TMEM117: variants seen among roughly 807,000 people sequenced by gnomAD.
TMEM117 encodes the protein transmembrane protein 117.
A neutral mutation model predicts 52.4 loss-of-function variants in TMEM117; 27 were observed. That is an observed-to-expected ratio of 0.51 (90% CI 0.38 to 0.71). The LOEUF (loss-of-function observed/expected upper bound fraction) is 0.71, where lower values mean the gene tolerates loss of function less well. Ranked by LOEUF, TMEM117 falls within the 30% of genes least tolerant of loss-of-function variation. The pLI is 0.00. For synonymous variants in TMEM117, 215 were observed against 206.3 expected (o/e 1.04, Z -0.36); for missense variants, 556 against 630.5 (o/e 0.88, Z 1.26).
intron 5 of TMEM117, among the ~76,000 whole-genome samples, chr12:44,272,556 G>A (rs1053767187): frequency 3.3e-5 from 5 of 152,044 alleles, no homozygotes; most frequent in South Asian, 4.2e-4. Flanking sequence ...ACAAGTGGGC[G>A]AAGGATATGA....
Position 44,095,041 on chromosome 12 carries a change from G to A in TMEM117, c.411-48484G>A, listed in dbSNP as rs1349906744. ...GGTCAACATTTTTTGTCAGGGGTGG[G>A]ATCAGGGCAAAAAAATCGTCTGAGC... On this transcript the variant is annotated intron_variant, in intron 3 of 7. Coordinates refer to ENST00000266534, the MANE Select transcript of TMEM117 (RefSeq NM_032256.3). Among the ~76,000 whole-genome samples, 10 of 152,058 alleles carry A rather than the reference G, an allele frequency of 6.6e-5. No individual in the cohort carries two copies. The East Asian group carries it at 9.7e-4, about 15-fold the overall frequency.
the TMEM117 span, among the ~76,000 whole-genome samples, chr12:43,826,887 G>A: frequency 0.041 from 6,184 of 152,110 alleles, 143 homozygotes; most frequent in African/African-American, 0.052. Context: ...ATAGTGCCTG[G>A]AATGCAGTGA....
intron 3 of TMEM117, among the ~76,000 whole-genome samples, chr12:43,955,823 A>G (rs1405482544): frequency 2.0e-5 from 3 of 152,234 alleles, no homozygotes; most frequent in Admixed American, 6.5e-5. Context: ...AAGAGCTCGC[A>G]TAGCTAAAGT....
chr12:43,948,267 G>C (rs1046496908), intron 3 of TMEM117, among the ~76,000 whole-genome samples: 1 of 151,862 alleles, frequency 6.6e-6, no homozygotes, highest in Non-Finnish European at 1.5e-5. Flanking sequence ...CTGCACCTCT[G>C]TTCCTTATAC....
rs1405277249 is a variant in TMEM117, at chr12:44,311,859, A to ATATATATG, written c.768+12128_768+12135dup. ...TATATGTATATATATGTATATATGT[A>ATATATATG]TATATATGTATATATATGTATATAT... is the stretch of plus-strand genomic sequence containing the variant. On this transcript the variant is annotated intron_variant, in intron 6 of 7. Transcript: ENST00000266534. 2.4e-4 allele frequency among the ~76,000 whole-genome samples: 27 copies of ATATATATG among 110,474 alleles called. 1 individual carries two copies. The highest frequency in any genetic ancestry group is 1.4e-3 in the African/African-American group (26 of 18,978). 72.5% of individuals were successfully genotyped at this position (110,474 alleles called of 152,430 possible).
intron 5 of TMEM117, among the ~76,000 whole-genome samples, chr12:44,238,326 T>C (rs1327714280): frequency 6.6e-6 from 1 of 152,128 alleles, no homozygotes; most frequent in Non-Finnish European, 1.5e-5. Context: ...ATGTTAAATG[T>C]TGGTTTAGTT....
chr12:44,019,852 C>A (rs1275058905), intron 3 of TMEM117, among the ~76,000 whole-genome samples: 1 of 152,166 alleles, frequency 6.6e-6, no homozygotes, highest in African/African-American at 2.4e-5. Context: ...TGAATCCCCC[C>A]AAACTTCTTT....
chr12:44,328,760 A>G (rs1242635517), intron 6 of TMEM117, among the ~76,000 whole-genome samples: 1 of 152,082 alleles, frequency 6.6e-6, no homozygotes, highest in Non-Finnish European at 1.5e-5. Context: ...AAAGTCAGAT[A>G]CCATTCAAAA....
chr12:44,345,449 G>A lies in TMEM117; in HGVS notation c.769-31146G>A, dbSNP rs1456874831. Among the ~76,000 whole-genome samples the A allele has an allele frequency of 2.0e-5, 3 of 152,108 alleles. No homozygotes were observed. The East Asian group carries it at 5.8e-4, about 29-fold the overall frequency. On this transcript the variant is annotated intron_variant, in intron 6 of 7. Coordinates refer to ENST00000266534, the MANE Select transcript of TMEM117 (RefSeq NM_032256.3). The stretch of plus-strand genomic sequence containing the variant: ...TAGGTAGGTTACTTTACCTCTCTGA[G>A]ATGAGTGCATATTTTCTCATTTTGT...
At chr12:43,857,518 C>A (rs1468593597) in intron 2 of TMEM117, among the ~76,000 whole-genome samples, 2 of 152,044 alleles carry the variant, frequency 1.3e-5, no homozygotes, top group African/African-American at 4.8e-5. Flanking sequence ...GAAACCACTT[C>A]ACTATTAGTG....
chr12:44,358,414 G>A (rs1951680224), intron 6 of TMEM117, among the ~76,000 whole-genome samples: 1 of 152,104 alleles, frequency 6.6e-6, no homozygotes, highest in South Asian at 2.1e-4. Flanking sequence ...TCAGAGGATG[G>A]TTGGCCACTT....
chr12:43,944,104 G>A, intron 2 of TMEM117, 106 bp from the exon 3 acceptor site: 1 of 1,003,356 alleles, frequency 1.0e-6, no homozygotes, highest in Non-Finnish European at 1.4e-6. Context: ...TTATGGCAAA[G>A]ACTTCAGAAT....
intron 6 of TMEM117, among the ~76,000 whole-genome samples, chr12:44,317,968 C>T (rs1021763452): frequency 2.0e-5 from 3 of 152,214 alleles, no homozygotes; most frequent in Admixed American, 6.5e-5. Context: ...TGCGTGGCCA[C>T]CTAGCGCCCA....
intron 6 of TMEM117, among the ~76,000 whole-genome samples, chr12:44,364,333 T>G (rs1327762980): frequency 6.6e-6 from 1 of 152,182 alleles, no homozygotes. Flanking sequence ...AATTATTTTC[T>G]GATAATTTTT....
chr12:44,030,041 T>C (rs970319763), intron 3 of TMEM117, among the ~76,000 whole-genome samples: 17 of 152,192 alleles, frequency 1.1e-4, no homozygotes, highest in African/African-American at 3.9e-4. Flanking sequence ...GTGTGTGATA[T>C]AAAAGAGCTT....
chr12:44,321,922 A>G (rs1468490645), intron 6 of TMEM117, among the ~76,000 whole-genome samples: 2 of 152,202 alleles, frequency 1.3e-5, no homozygotes, highest in Non-Finnish European at 2.9e-5. Context: ...AATGAAAATC[A>G]TGGTTTATTT....
intron 3 of TMEM117, among the ~76,000 whole-genome samples, chr12:43,953,832 C>T (rs775816855): frequency 6.6e-6 from 1 of 152,148 alleles, no homozygotes; most frequent in Non-Finnish European, 1.5e-5. Context: ...CTCTCCCCCC[C>T]AAAACAACAG....
intron 3 of TMEM117, among the ~76,000 whole-genome samples, chr12:44,117,114 C>A (rs1229381506): frequency 6.6e-6 from 1 of 152,198 alleles, no homozygotes; most frequent in Non-Finnish European, 1.5e-5. Flanking sequence ...GCTCATCACT[C>A]TAACTCCCTA....
chr12:44,353,248 C>G (rs1282524967), intron 6 of TMEM117, among the ~76,000 whole-genome samples: 2 of 151,826 alleles, frequency 1.3e-5, no homozygotes, highest in African/African-American at 2.4e-5. Flanking sequence ...CTGTAGGTTG[C>G]CTGTTCACTC....
Sources: gnomAD v4.1 joint callset for allele counts (sites outside exome capture counted in the v4.1 genomes callset) on GRCh38, gnomAD v4.1.1 for gene constraint, MANE v1.5 for transcripts, NCBI Gene and HGNC (gene_info 2026-07-23, HGNC 2026-07-21) for gene names.